The following TMED3 variants were observed in gnomAD, a reference collection of about 807,000 sequenced individuals.
TMED3 encodes the protein transmembrane emp24 domain-containing protein 3.
In TMED3, 9 loss-of-function variants were observed where a neutral mutation model predicts 15.0. The observed-to-expected ratio is 0.60, with a 90% CI of 0.36 to 1.04. TMED3 has a LOEUF of 1.04. Among genes scored for constraint, TMED3 ranks in the 50% least tolerant of loss-of-function variants. TMED3 has a pLI of 0.01. For missense variants in TMED3, 267 were observed against 278.9 expected (o/e 0.96, Z 0.30); for synonymous variants, 117 against 121.4 (o/e 0.96, Z 0.24).
intron 2 of TMED3, among the ~76,000 whole-genome samples, chr15:79,406,398 A>T (rs1456785614): frequency 6.6e-6 from 1 of 152,198 alleles, no homozygotes; most frequent in Non-Finnish European, 1.5e-5. Flanking sequence ...CAATGGACCC[A>T]CTGTGAGAGA....
At chr15:79,328,428 A>C (rs1240271520) in intron 2 of TMED3, among the ~76,000 whole-genome samples, 2 of 152,204 alleles carry the variant, frequency 1.3e-5, no homozygotes, top group Non-Finnish European at 2.9e-5. Context: ...TATTCCCCTG[A>C]CTTCTATGCA....
chr15:79,365,610 G>A (rs1893216596), intron 2 of TMED3, among the ~76,000 whole-genome samples: 1 of 152,190 alleles, frequency 6.6e-6, no homozygotes, highest in Admixed American at 6.5e-5. Context: ...GAGCAGGTAG[G>A]GGAACAGTCA....
At chr15:79,370,283 T>G (rs1483854184) in intron 2 of TMED3, among the ~76,000 whole-genome samples, 13 of 68,524 alleles carry the variant, frequency 1.9e-4, no homozygotes, top group Admixed American at 5.9e-4. Context: ...TTTTTTTTTG[T>G]ATTTTTTTGC....
chr15:79,319,662 T>C lies in TMED3; in HGVS notation c.418-2316T>C, dbSNP rs143150715. Among the ~76,000 whole-genome samples, 940 of 152,196 alleles carry C rather than the reference T, an allele frequency of 6.2e-3. 8 individuals are homozygous for C. Among genetic ancestry groups the C allele is most frequent in the African/African-American group, 0.021 (882 of 41,528 alleles). ...CGCAGAGACTGGTAGTGGCCCCGAA[T>C]GCCAGGCTGCGCTGATACTTATTGG... On this transcript the variant is annotated intron_variant, in intron 2 of 2. Coordinates refer to ENST00000299705, the MANE Select transcript of TMED3 (RefSeq NM_007364.4).
chr15:79,371,595 G>A (rs1893340314), intron 2 of TMED3, among the ~76,000 whole-genome samples: 1 of 152,166 alleles, frequency 6.6e-6, no homozygotes, highest in Non-Finnish European at 1.5e-5. Context: ...AGGGGGTTAG[G>A]GAACTGAAAC....
intron 1 of TMED3, among the ~76,000 whole-genome samples, chr15:79,312,259 A>C (rs377312528): frequency 6.6e-6 from 1 of 152,220 alleles, no homozygotes; most frequent in South Asian, 2.1e-4. Flanking sequence ...GGTTAGAGGC[A>C]CTGAAGGAAG....
chr15:79,311,227 C>T lies in TMED3; in HGVS notation c.-23C>T. 8.9e-6 allele frequency: 14 copies of T among 1,580,784 alleles called. No homozygotes were observed. The highest frequency in any genetic ancestry group is 1.2e-5 in the Non-Finnish European group (14 of 1,167,796). ...GGGGCGCAGCGCCCGAGCCGCGGCC[C>T]TCGAGACGGGACCGAGAGCATCATG... On this transcript the variant is annotated 5_prime_UTR_variant, in exon 1 of 3. Coordinates refer to ENST00000299705, the MANE Select transcript of TMED3 (RefSeq NM_007364.4).
intron 2 of TMED3, among the ~76,000 whole-genome samples, chr15:79,338,972 T>C (rs2058838696): frequency 1.3e-5 from 2 of 152,168 alleles, no homozygotes; most frequent in Non-Finnish European, 2.9e-5. Flanking sequence ...GTAGAGGGCC[T>C]GACATTAGTC....
chr15:79,368,340 G>C (rs1473230529), intron 2 of TMED3, among the ~76,000 whole-genome samples: 2 of 152,106 alleles, frequency 1.3e-5, no homozygotes, highest in Non-Finnish European at 2.9e-5. Flanking sequence ...AACATACTTT[G>C]CTGGCAGCAG....
At chr15:79,354,843 C>T (rs972907948) in intron 2 of TMED3, among the ~76,000 whole-genome samples, 3 of 152,116 alleles carry the variant, frequency 2.0e-5, no homozygotes, top group Non-Finnish European at 4.4e-5. Context: ...GCTCTGCCCC[C>T]CCATTCCGTT....
chr15:79,391,743 T>C (rs991576657), intron 2 of TMED3, among the ~76,000 whole-genome samples: 2 of 152,280 alleles, frequency 1.3e-5, no homozygotes, highest in Non-Finnish European at 2.9e-5. Context: ...TTAGTAATTG[T>C]TTTATAAATT....
intron 2 of TMED3, among the ~76,000 whole-genome samples, chr15:79,364,661 C>T (rs1042316178): frequency 3.3e-5 from 5 of 151,690 alleles, no homozygotes; most frequent in South Asian, 2.1e-4. Context: ...AATGGTGGAA[C>T]GACACAGCAG....
rs1048282917 is a variant in TMED3 at position 79,322,322 on chromosome 15, C to T, written c.*108C>T. 26 of 1,510,012 alleles carry T rather than the reference C, an allele frequency of 1.7e-5. No homozygotes were observed. Among genetic ancestry groups the T allele is most frequent in the Non-Finnish European group, 2.0e-5 (23 of 1,132,646 alleles). The allele number at this position is 1,510,012 out of a possible 1,614,324, so 93.5% of individuals were successfully genotyped here. A position where few individuals can be genotyped will look rare whatever the true frequency, so the allele number is the denominator to read the frequency against. On this transcript the variant is annotated 3_prime_UTR_variant, in exon 3 of 3. Coordinates refer to ENST00000299705, the MANE Select transcript of TMED3 (RefSeq NM_007364.4). ...AGCCCAGGGTGGAGGCAGAACGATG[C>T]TGCTGTGGTAGCCCTTTGCCTTTCA...
intron 2 of TMED3, 26 bp from the exon 3 acceptor site, chr15:79,321,952 G>GTGACTGCT (rs763071539): frequency 2.0e-5 from 32 of 1,610,478 alleles, no homozygotes; most frequent in Non-Finnish European, 2.5e-5. Flanking sequence ...GGTTAGCAGT[G>GTGACTGCT]TGACTGCTTT....
intron 2 of TMED3, among the ~76,000 whole-genome samples, chr15:79,373,703 C>T (rs1039084479): frequency 6.6e-6 from 1 of 152,156 alleles, no homozygotes; most frequent in Non-Finnish European, 1.5e-5. Context: ...CTTAAGAGGT[C>T]CTGAGAACAT....
At chr15:79,339,802 ATGGTGTGAATGTGATGGTAGTGGTGATGG>A (rs2058843953) in intron 2 of TMED3, among the ~76,000 whole-genome samples, 1 of 149,146 alleles carries the variant, frequency 6.7e-6, no homozygotes, top group Non-Finnish European at 1.5e-5. Flanking sequence ...GGTGGTGGTG[ATGGTGTGAATGTGATGGTAGTGGTGATGG>A]TGGTGATGAT....
chr15:79,328,358 ATT>A (rs1392216733), intron 2 of TMED3, among the ~76,000 whole-genome samples: 9 of 100,226 alleles, frequency 9.0e-5, no homozygotes, highest in African/African-American at 3.2e-4. Context: ...TAAAAACCCC[ATT>A]TTCCTTTAAT....
At chr15:79,318,716 G>T (rs2058751258) in intron 2 of TMED3, among the ~76,000 whole-genome samples, 1 of 152,216 alleles carries the variant, frequency 6.6e-6, no homozygotes, top group Admixed American at 6.5e-5. Context: ...TTAGTGTCCT[G>T]TTCCATCTGT....
At chr15:79,391,666 T>C (rs184606533) in intron 2 of TMED3, among the ~76,000 whole-genome samples, 282 of 108,546 alleles carry the variant, frequency 2.6e-3, no homozygotes, top group African/African-American at 8.6e-3. Context: ...TGACATCTAG[T>C]GCTGTCAGTG....
Sources: allele counts gnomAD v4.1 joint callset (sites outside exome capture counted in the v4.1 genomes callset), GRCh38; gene constraint gnomAD v4.1.1; transcripts MANE v1.5; gene names NCBI Gene and HGNC (gene_info 2026-07-23, HGNC 2026-07-21).